ZNF274: variants seen among roughly 807,000 people sequenced by gnomAD.
The protein encoded by ZNF274 is neurotrophin receptor-interacting factor homolog.
A neutral mutation model predicts 42.5 loss-of-function variants in ZNF274; 23 were observed. The ratio of observed to expected loss-of-function variants is 0.54; its 90% CI spans 0.39 to 0.77. The LOEUF is 0.77. Ranked by LOEUF, ZNF274 falls within the 30% of genes least tolerant of loss-of-function variation. ZNF274 has a pLI of 0.00. For synonymous variants in ZNF274, 292 were observed against 305.4 expected (o/e 0.96, Z 0.46); for missense variants, 679 against 806.5 (o/e 0.84, Z 1.91).
Position 58,211,522 on chromosome 19 carries a change from C to A in ZNF274, c.853-38C>A. 6.3e-7 allele frequency: 1 copy of A among 1,588,058 alleles called. No individual in the cohort carries two copies. The highest frequency in any genetic ancestry group is 1.1e-5 in the South Asian group (1 of 87,796). On this transcript the variant is annotated intron_variant, in intron 6 of 7. Coordinates refer to ENST00000617501, the MANE Select transcript of ZNF274 (RefSeq NM_133502.3). The surrounding 1 kb of genome is among the most constrained non-coding windows in gnomAD (Gnocchi z 4.8). ...TCTGCCCTCATTGACAACCCTCTGACCCTCTTGCTGAGCATAGACACATAT... is the reference window on the plus strand; with the variant it reads ...TCTGCCCTCATTGACAACCCTCTGAACCTCTTGCTGAGCATAGACACATAT...
At position 58,207,255 on chromosome 19, in the gene ZNF274, C is replaced by A; in HGVS notation, c.739+53C>A. On this transcript the variant is annotated intron_variant, in intron 5 of 7. Transcript: ENST00000617501. This position sits in a 1 kb window ranked among gnomAD's most constrained non-coding sequence, Gnocchi z 5.6. ...GCTTAATGAGGGTGTCTTGGAGTAC[C>A]CTGTGGGGGAGATAAGAACTCCAGG... The A allele has an allele frequency of 6.5e-7, 1 of 1,535,440 alleles. No homozygotes were observed. Among genetic ancestry groups the A allele is most frequent in the South Asian group, 1.3e-5 (1 of 78,320 alleles).
rs770072032 is a variant in ZNF274 at position 58,206,855 on chromosome 19, T to C, written c.392T>C (p.Leu131Pro). ...CCCCGGAATGCCCAGATCCAGGCCC[T>C]ATATGCTGAAGATGGAAGCCTGAGT... ...AGPRNAQIQA[L>P]YAEDGSLSAD... Residue 131 changes from leucine to proline, a missense_variant, in exon 5 of 8, where the codon CTA (leucine) becomes CCA (proline). By Grantham distance (98) the Leu-to-Pro change is moderately conservative. Transcript: ENST00000617501. 2 of 1,613,950 alleles carry C rather than the reference T, an allele frequency of 1.2e-6. No individual in the cohort carries two copies. The highest frequency in any genetic ancestry group is 1.7e-6 in the Non-Finnish European group (2 of 1,179,866).
At position 58,213,197 on chromosome 19, in the gene ZNF274, C is replaced by T. The variant is rs1188154534; in HGVS notation, c.*54C>T. The T allele has an allele frequency of 6.5e-6, 10 of 1,549,354 alleles. No homozygotes were observed. Among genetic ancestry groups the T allele is most frequent in the Non-Finnish European group, 7.0e-6 (8 of 1,150,504 alleles). On this transcript the variant is annotated 3_prime_UTR_variant, in exon 8 of 8. Transcript: ENST00000617501. ...TTTTCAGCTTGACCCTGCAATATAACATGCACAGGCCTGCTTGTGAATCAG... is the reference window on the plus strand; with the variant it reads ...TTTTCAGCTTGACCCTGCAATATAATATGCACAGGCCTGCTTGTGAATCAG...
At chr19:58,192,640 A>G (rs1218822947) in intron 4 of ZNF274, among the ~76,000 whole-genome samples, 1 of 152,222 alleles carries the variant, frequency 6.6e-6, no homozygotes, top group African/African-American at 2.4e-5. Flanking sequence ...ATTACTTATA[A>G]TACCGAATAT....
At chr19:58,192,301 A>T (rs1193115554) in intron 4 of ZNF274, among the ~76,000 whole-genome samples, 1 of 152,204 alleles carries the variant, frequency 6.6e-6, no homozygotes, top group Non-Finnish European at 1.5e-5. Flanking sequence ...TATGTCACAG[A>T]TTGGAGGCAG....
intron 4 of ZNF274, 141 bp from the exon 5 acceptor site, chr19:58,206,579 C>T: frequency 1.0e-6 from 1 of 952,570 alleles, no homozygotes; most frequent in Non-Finnish European, 1.5e-6. Flanking sequence ...CTGTTATCAT[C>T]TGTCTTTGGT....
intron 4 of ZNF274, among the ~76,000 whole-genome samples, chr19:58,202,946 A>G (rs527851212): frequency 3.5e-4 from 54 of 152,292 alleles, no homozygotes; most frequent in African/African-American, 1.3e-3. Context: ...TCATGGGTTA[A>G]TAATAAAGAT....
intron 4 of ZNF274, among the ~76,000 whole-genome samples, chr19:58,205,627 G>A (rs143003705): frequency 2.0e-5 from 3 of 152,294 alleles, no homozygotes; most frequent in South Asian, 2.1e-4. Flanking sequence ...GAGCCACCCC[G>A]CTGGCCAAAT....
chr19:58,189,600 A>G (rs2075754287), intron 4 of ZNF274, among the ~76,000 whole-genome samples: 1 of 152,120 alleles, frequency 6.6e-6, no homozygotes, highest in Admixed American at 6.6e-5. Context: ...GATATATAGT[A>G]GTTCCCCTTG....
intron 4 of ZNF274, among the ~76,000 whole-genome samples, chr19:58,189,633 C>T (rs2075754982): frequency 6.6e-6 from 1 of 152,084 alleles, no homozygotes; most frequent in Non-Finnish European, 1.5e-5. Flanking sequence ...AAGAAAAAGT[C>T]TTAGCTGGCT....
At position 58,194,235 on chromosome 19, in the gene ZNF274, G is replaced by T. The variant is rs2075811818; in HGVS notation, c.256+7193G>T. Among the ~76,000 whole-genome samples, 3 of 152,068 alleles carry T rather than the reference G, an allele frequency of 2.0e-5. No individual in the cohort carries two copies. The South Asian group carries it at 6.2e-4, about 32-fold the overall frequency. On this transcript the variant is annotated intron_variant, in intron 4 of 7. Transcript: ENST00000617501. ...TGTGTGTGGGTGTGTGTGTGTGTAT[G>T]ATAAGGGAGAACAATTATTTCTGAG...
intron 4 of ZNF274, among the ~76,000 whole-genome samples, chr19:58,200,498 C>T (rs1246373408): frequency 2.0e-5 from 3 of 152,108 alleles, no homozygotes; most frequent in South Asian, 2.1e-4. Flanking sequence ...GGGTGGGCAG[C>T]AGTAGTTCAG....
At chr19:58,184,175 T>C in intron 2 of ZNF274, 177 bp downstream of exon 2, 1 of 667,922 alleles carries the variant, frequency 1.5e-6, no homozygotes, top group East Asian at 2.8e-5. Context: ...GGTTGCTTGG[T>C]TTTCCAAGGG....
At chr19:58,199,483 G>A (rs989345869) in intron 4 of ZNF274, among the ~76,000 whole-genome samples, 1 of 152,194 alleles carries the variant, frequency 6.6e-6, no homozygotes, top group Non-Finnish European at 1.5e-5. Flanking sequence ...TACTTTGGGA[G>A]GCCAAGGTGA....
At chr19:58,205,053 G>A (rs1377856554) in intron 4 of ZNF274, among the ~76,000 whole-genome samples, 2 of 152,210 alleles carry the variant, frequency 1.3e-5, no homozygotes, top group Non-Finnish European at 2.9e-5. Context: ...GGTCAGTGCT[G>A]TGTTAACTAT....
chr19:58,206,590 A>G (rs2075980529), intron 4 of ZNF274, 130 bp from the exon 5 acceptor site: 2 of 1,054,596 alleles, frequency 1.9e-6, no homozygotes, highest in Non-Finnish European at 2.7e-6. Flanking sequence ...TGTCTTTGGT[A>G]ACAGCCATGC....
chr19:58,186,200 C>T (rs1170629641), intron 3 of ZNF274: 1 of 152,500 alleles, frequency 6.6e-6, no homozygotes, highest in African/African-American at 2.4e-5. Flanking sequence ...AAAAGAAACT[C>T]CACAGAAATT....
chr19:58,188,723 T>TATATATATATATATATATATATAA (rs2075743254), intron 4 of ZNF274, among the ~76,000 whole-genome samples: 1 of 128,802 alleles, frequency 7.8e-6, no homozygotes, highest in African/African-American at 3.0e-5. Context: ...TATATATATA[T>TATATATATATATATATATATATAA]AAATCTTTAA....
intron 4 of ZNF274, among the ~76,000 whole-genome samples, chr19:58,187,591 GT>G (rs889179340): frequency 6.6e-6 from 1 of 151,894 alleles, no homozygotes; most frequent in Non-Finnish European, 1.5e-5. Context: ...CCGTTTAATT[GT>G]TTTTTTGTAG....
Sources: gnomAD v4.1 joint callset for allele counts (sites outside exome capture counted in the v4.1 genomes callset) on GRCh38, gnomAD v4.1.1 for gene constraint, Gnocchi (gnomAD v3.1) non-coding constraint, MANE v1.5 for transcripts, NCBI Gene and HGNC (gene_info 2026-07-23, HGNC 2026-07-21) for gene names.